Variants in NRCAM observed in about 807,000 individuals in gnomAD.
NRCAM encodes neuronal cell adhesion molecule, also known as NgCAM-related cell adhesion molecule.
In NRCAM, 83 loss-of-function variants were observed where a neutral mutation model predicts 156.5. The observed-to-expected ratio is 0.53, with a 90% confidence interval of 0.44 to 0.64. The LOEUF (loss-of-function observed/expected upper bound fraction) is 0.64. NRCAM is among the 30% of genes least tolerant of loss of function. The pLI is 0.00. For missense variants in NRCAM, 1,417 were observed against 1,597.3 expected (o/e 0.89, Z 1.92); for synonymous variants, 538 against 563.9 (o/e 0.95, Z 0.65).
At chr7:108,321,477 C>G (rs1220912671) in intron 2 of NRCAM, among the ~76,000 whole-genome samples, 1 of 152,088 alleles carries the variant, frequency 6.6e-6, no homozygotes, top group Non-Finnish European at 1.5e-5. Context: ...ACAAAGAGGG[C>G]ACCAAGCCAT....
chr7:108,363,013 A>G (rs551345260), intron 2 of NRCAM, among the ~76,000 whole-genome samples: 86 of 152,260 alleles, frequency 5.6e-4, no homozygotes, highest in Middle Eastern at 3.4e-3. Flanking sequence ...ACAAACAAAC[A>G]AAACTCTAAA....
chr7:108,310,271 C>T (rs1232578602), intron 3 of NRCAM, among the ~76,000 whole-genome samples: 2 of 152,162 alleles, frequency 1.3e-5, no homozygotes, highest in Non-Finnish European at 1.5e-5. Flanking sequence ...ACTCATTTTA[C>T]GAAGTGATTT....
intron 2 of NRCAM, among the ~76,000 whole-genome samples, chr7:108,321,796 C>A (rs1221511530): frequency 1.3e-5 from 2 of 152,326 alleles, no homozygotes; most frequent in African/African-American, 4.8e-5. Flanking sequence ...TAATTGCATA[C>A]AAAATCTTTC....
intron 11 of NRCAM, among the ~76,000 whole-genome samples, chr7:108,214,912 A>C (rs1204556355): frequency 1.3e-5 from 2 of 152,146 alleles, no homozygotes; most frequent in Admixed American, 6.5e-5. Context: ...TGTGGTTTTG[A>C]ATGAGTTTCT....
At chr7:108,284,204 T>C (rs1033522149) in intron 3 of NRCAM, among the ~76,000 whole-genome samples, 1 of 152,204 alleles carries the variant, frequency 6.6e-6, no homozygotes, top group Non-Finnish European at 1.5e-5. Context: ...GTTCCTACTA[T>C]AAACATCTGA....
intron 26 of NRCAM, 92 bp downstream of exon 26, chr7:108,177,898 G>T: frequency 8.7e-7 from 1 of 1,144,754 alleles, no homozygotes; most frequent in Non-Finnish European, 1.2e-6. Context: ...ACATCACTAC[G>T]TACCCCATGA....
At chr7:108,340,775 T>G (rs1015040327) in intron 2 of NRCAM, among the ~76,000 whole-genome samples, 2 of 152,172 alleles carry the variant, frequency 1.3e-5, no homozygotes, top group South Asian at 2.1e-4. Context: ...AGGGAGGCCT[T>G]GAGAAAGCAT....
chr7:108,427,226 G>A (rs2154447891), intron 1 of NRCAM, among the ~76,000 whole-genome samples: 1 of 152,232 alleles, frequency 6.6e-6, no homozygotes, highest in South Asian at 2.1e-4. Context: ...AAGACCCAGG[G>A]CATGCATAGT....
intron 14 of NRCAM, among the ~76,000 whole-genome samples, chr7:108,197,087 T>C (rs191911262): frequency 4.1e-4 from 63 of 152,260 alleles, no homozygotes; most frequent in Admixed American, 2.7e-3. Flanking sequence ...CTGGAGGATG[T>C]TGTGTTAAGT....
At chr7:108,279,491 A>G (rs1316369880) in intron 3 of NRCAM, among the ~76,000 whole-genome samples, 1 of 151,714 alleles carries the variant, frequency 6.6e-6, no homozygotes. Flanking sequence ...CCACAGTGTG[A>G]CTTATGCAAC....
At position 108,209,526 on chromosome 7, in the gene NRCAM, T is replaced by C; in HGVS notation, c.970A>G (p.Thr324Ala). 1.2e-6 allele frequency: 2 copies of C among 1,612,426 alleles called. No individual in the cohort carries two copies. Among genetic ancestry groups the C allele is most frequent in the Non-Finnish European group, 1.7e-6 (2 of 1,179,436 alleles). ...NRTVYKNFEK[T>A]LQIIHVSEAD... ...TCTGAAACATGAATGATCTGCAAGG[T>C]TTTCTCAAAGTTCTTATAAACTGTC... is the stretch of plus-strand genomic sequence containing the variant. Residue 324 changes from threonine to alanine, a missense_variant, in exon 12 of 33, where the codon ACC becomes GCC. By Grantham distance (58) the Thr-to-Ala change is moderately conservative. Transcript: ENST00000379028.
chr7:108,158,128 G>A (rs537877620), intron 32 of NRCAM, among the ~76,000 whole-genome samples: 81 of 152,220 alleles, frequency 5.3e-4, no homozygotes, highest in African/African-American at 1.9e-3. Flanking sequence ...GCTCTAATGT[G>A]TTACAAAACC....
intron 8 of NRCAM, among the ~76,000 whole-genome samples, chr7:108,226,718 T>C (rs2093520087): frequency 6.6e-6 from 1 of 152,206 alleles, no homozygotes; most frequent in African/African-American, 2.4e-5. Context: ...TCCCTAACTG[T>C]TAAGTACACA....
chr7:108,190,751 C>A (rs2070808458), intron 19 of NRCAM, among the ~76,000 whole-genome samples: 1 of 152,166 alleles, frequency 6.6e-6, no homozygotes, highest in Non-Finnish European at 1.5e-5. Flanking sequence ...TTTGTTAACA[C>A]ATGGTGAGTC....
chr7:108,345,420 C>T (rs1193984020), intron 2 of NRCAM, among the ~76,000 whole-genome samples: 2 of 152,128 alleles, frequency 1.3e-5, no homozygotes, highest in Non-Finnish European at 1.5e-5. Context: ...CATATCATTA[C>T]AAAATAGTGT....
chr7:108,164,607 C>T (rs141023132), intron 30 of NRCAM, among the ~76,000 whole-genome samples: 12 of 150,160 alleles, frequency 8.0e-5, no homozygotes, highest in East Asian at 1.9e-4. Context: ...CAGTGGAAGA[C>T]GGTGCTTTCA....
At chr7:108,385,668 A>G (rs1183569034) in intron 2 of NRCAM, among the ~76,000 whole-genome samples, 1 of 152,030 alleles carries the variant, frequency 6.6e-6, no homozygotes, top group East Asian at 1.9e-4. Flanking sequence ...GAAAGGAGGG[A>G]GTCCTGGAAT....
At chr7:108,161,799 A>T (rs2049174386) in intron 30 of NRCAM, among the ~76,000 whole-genome samples, 1 of 152,260 alleles carries the variant, frequency 6.6e-6, no homozygotes, top group African/African-American at 2.4e-5. Flanking sequence ...ATATGGACAT[A>T]TGTAGAAGAA....
At chr7:108,374,786 A>G (rs182440919) in intron 2 of NRCAM, among the ~76,000 whole-genome samples, 9 of 152,256 alleles carry the variant, frequency 5.9e-5, no homozygotes, top group Non-Finnish European at 1.0e-4. Flanking sequence ...AGAGCACAGT[A>G]TGGGTATGCG....
Sources: allele counts gnomAD v4.1 joint callset (sites outside exome capture counted in the v4.1 genomes callset), GRCh38; gene constraint gnomAD v4.1.1; transcripts MANE v1.5; gene names NCBI Gene and HGNC (gene_info 2026-07-23, HGNC 2026-07-21).